FAM217A: variants seen among roughly 807,000 people sequenced by gnomAD.
FAM217A encodes family with sequence similarity 217 member A.
A neutral mutation model predicts 18.5 loss-of-function variants in FAM217A; 13 were observed. That is an observed-to-expected ratio of 0.70 (90% CI 0.46 to 1.12). FAM217A has a LOEUF of 1.12. FAM217A is among the 50% of genes most tolerant of loss of function. FAM217A has a pLI of 0.00. For missense variants in FAM217A, 560 were observed against 575.4 expected, an observed-to-expected ratio of 0.97 and a Z score of 0.27; for synonymous variants, 161 against 202.8, an observed-to-expected ratio of 0.79 and a Z score of 1.75.
At chr6:4,073,601 A>C (rs1769565514) in intron 4 of FAM217A, 94 bp from the exon 5 acceptor site, 15 of 958,292 alleles carry the variant, frequency 1.6e-5, no homozygotes, top group Non-Finnish European at 2.3e-5. Flanking sequence ...CAAGGAATGT[A>C]TGGTAAAACT....
intron 1 of FAM217A, among the ~76,000 whole-genome samples, chr6:4,085,574 T>G (rs1581910684): frequency 6.6e-6 from 1 of 152,090 alleles, no homozygotes; most frequent in Admixed American, 6.6e-5. Flanking sequence ...CTTTACTATT[T>G]ATATAAATGA....
chr6:4,069,343 C>G lies in FAM217A; in HGVS notation c.880G>C (p.Glu294Gln), dbSNP rs776781992. ...TGAATAGTCATATGTTGTAATCGTTCTAGTTCCAGTAAACGAGTTATCAAG... is the reference window on the plus strand; with the variant it reads ...TGAATAGTCATATGTTGTAATCGTTGTAGTTCCAGTAAACGAGTTATCAAG... Reference protein sequence around the residue: ...EHLITRLLELERLQHMTIQKE... With the variant: ...EHLITRLLELQRLQHMTIQKE... Residue 294 changes from glutamate (E) to glutamine (Q), a missense_variant, in exon 7 of 7, where the codon GAA becomes CAA. Physicochemically the swap from Glu to Gln is conservative, Grantham distance 29 (BLOSUM62 2). Coordinates refer to ENST00000274673, the MANE Select transcript of FAM217A (RefSeq NM_173563.3). The G allele has an allele frequency of 6.2e-7, 1 of 1,614,120 alleles. No homozygotes were observed. The highest frequency in any genetic ancestry group is 8.5e-7 in the Non-Finnish European group (1 of 1,180,030).
At chr6:4,086,960 T>C (rs1215894877) in intron 1 of FAM217A, 2 of 398,940 alleles carry the variant, frequency 5.0e-6, no homozygotes, top group African/African-American at 4.1e-5. Context: ...TTTGTTTTCT[T>C]GGTATTAGTT....
At chr6:4,077,587 G>T in intron 1 of FAM217A, 139 bp from the exon 2 acceptor site, 1 of 723,908 alleles carries the variant, frequency 1.4e-6, no homozygotes, top group Non-Finnish European at 2.3e-6. Context: ...AGAGCAGGGT[G>T]GGGGTGACAG....
intron 1 of FAM217A, chr6:4,084,902 T>G: frequency 1.5e-6 from 1 of 647,364 alleles, no homozygotes; most frequent in Non-Finnish European, 2.8e-6. Flanking sequence ...ATGCAGCTGC[T>G]GCGCTGCGGG....
rs1258159328 is a variant in FAM217A, at chr6:4,073,449, C to G, written c.218G>C (p.Ser73Thr). Residue 73 changes from serine to threonine, a missense_variant, in exon 5 of 7, where the codon AGT (serine) becomes ACT (threonine). Physicochemically the swap from Ser to Thr is moderately conservative, Grantham distance 58. Transcript: ENST00000274673. The stretch of plus-strand genomic sequence containing the variant: ...AAATCCCACCTGTGTACTTTTTTGA[C>G]TATGCACCGACAAATTAGGTTCTAG... Reference protein sequence around the residue: ...LMLEPNLSVHSQKSTQNSKQG... With the variant: ...LMLEPNLSVHTQKSTQNSKQG... 1 of 1,613,082 alleles carries G rather than the reference C, an allele frequency of 6.2e-7. No individual in the cohort carries two copies. Among genetic ancestry groups the G allele is most frequent in the South Asian group, 1.1e-5 (1 of 90,860 alleles).
Position 4,078,930 on chromosome 6 carries a change from G to A in FAM217A, c.-113C>T, listed in dbSNP as rs1165546268. On this transcript the variant is annotated 5_prime_UTR_variant, in exon 1 of 7. Coordinates refer to ENST00000274673, the MANE Select transcript of FAM217A (RefSeq NM_173563.3). ...AGGCCCGAGCGCCTCCGCGTGCGTGGCTGACGGCTTGGAGGGCGCCCCCTC... is the reference window on the plus strand; with the variant it reads ...AGGCCCGAGCGCCTCCGCGTGCGTGACTGACGGCTTGGAGGGCGCCCCCTC... 1.7e-6 allele frequency: 1 copy of A among 580,270 alleles called. No homozygotes were observed. The highest frequency in any genetic ancestry group is 1.9e-5 in the South Asian group (1 of 51,632). The allele number at this position is 580,270 out of a possible 1,614,324, so 35.9% of individuals were successfully genotyped here.
rs766283172 is a variant in FAM217A at position 4,077,473 on chromosome 6, A to G, written c.-34-25T>C. The G allele has an allele frequency of 2.6e-6, 4 of 1,531,232 alleles. No individual in the cohort carries two copies. In the Admixed American group the frequency reaches 6.7e-5, roughly 26 times the overall value. The allele number at this position is 1,531,232 out of a possible 1,614,324, so 94.9% of individuals were successfully genotyped here. A position where few individuals can be genotyped will look rare whatever the true frequency, so the allele number is the denominator to read the frequency against. On this transcript the variant is annotated intron_variant, in intron 1 of 6. Coordinates refer to ENST00000274673, the MANE Select transcript of FAM217A (RefSeq NM_173563.3). Reference sequence around the variant, plus strand: ...CCTACACAGATTGCGGGATAGGCACATTTATGGGTAAGGGTCAACATTTAT... The same window carrying G: ...CCTACACAGATTGCGGGATAGGCACGTTTATGGGTAAGGGTCAACATTTAT...
upstream of FAM217A, among the ~76,000 whole-genome samples, chr6:4,082,586 G>C (rs150054088): frequency 1.9e-3 from 291 of 152,330 alleles, no homozygotes; most frequent in African/African-American, 6.6e-3. Context: ...CCCCATTCCA[G>C]AGAGTGGCCC....
chr6:4,079,944 A>T (rs1403442593), upstream of FAM217A, among the ~76,000 whole-genome samples: 1 of 150,224 alleles, frequency 6.7e-6, no homozygotes, highest in African/African-American at 2.5e-5. Context: ...AGCTTCATGA[A>T]ATAAGTGGAG....
chr6:4,074,310 T>C, intron 4 of FAM217A, 133 bp downstream of exon 4: 1 of 641,668 alleles, frequency 1.6e-6, no homozygotes. Context: ...ATATTTGACT[T>C]TGACTTGTGT....
intron 6 of FAM217A, among the ~76,000 whole-genome samples, chr6:4,070,367 T>TA (rs1295857632): frequency 6.6e-6 from 1 of 152,202 alleles, no homozygotes; most frequent in Non-Finnish European, 1.5e-5. Flanking sequence ...TAGGTTACTT[T>TA]AAAAAGCCTT....
intron 1 of FAM217A, among the ~76,000 whole-genome samples, chr6:4,086,060 A>C (rs937669243): frequency 6.6e-6 from 1 of 152,088 alleles, no homozygotes; most frequent in Non-Finnish European, 1.5e-5. Context: ...GGCTACAGTG[A>C]GCTGCACTGC....
chr6:4,068,728 C>T lies in FAM217A; in HGVS notation c.1495G>A (p.Asp499Asn). ...TGTTCAATGGGTGAGCAGCACTTAT[C>T]CTTAGCAATAAGGGAAGGCGACAAA... ...NCLSPSLIAKDKCCSPIEQK is the reference protein window; with the variant it reads ...NCLSPSLIAKNKCCSPIEQK The change falls in exon 7 of 7, where the codon GAT becomes AAT. Residue 499 changes from aspartate to asparagine, a missense_variant. Coordinates refer to ENST00000274673, the MANE Select transcript of FAM217A (RefSeq NM_173563.3). 1 of 1,609,384 alleles carries T rather than the reference C, an allele frequency of 6.2e-7. No homozygotes were observed. Among genetic ancestry groups the T allele is most frequent in the Non-Finnish European group, 8.5e-7 (1 of 1,179,106 alleles).
upstream of FAM217A, among the ~76,000 whole-genome samples, chr6:4,083,380 TA>T (rs1396254221): frequency 6.6e-6 from 1 of 152,232 alleles, no homozygotes; most frequent in African/African-American, 2.4e-5. Context: ...ACTTAGTTTC[TA>T]ATTATTCTGG....
chr6:4,087,179 A>C, upstream of FAM217A: 1 of 515,924 alleles, frequency 1.9e-6, no homozygotes, highest in Non-Finnish European at 3.0e-6. Context: ...ATGGGAAAAT[A>C]CCACTGGATA....
At chr6:4,078,017 T>C (rs1368194468) in intron 1 of FAM217A, among the ~76,000 whole-genome samples, 1 of 150,908 alleles carries the variant, frequency 6.6e-6, no homozygotes, top group Non-Finnish European at 1.5e-5. Flanking sequence ...AAACAGTCAC[T>C]GGATTAAGGT....
intron 1 of FAM217A, among the ~76,000 whole-genome samples, chr6:4,086,054 A>G (rs1444286459): frequency 1.3e-5 from 2 of 151,916 alleles, no homozygotes; most frequent in Non-Finnish European, 2.9e-5. Flanking sequence ...GGTCGAGGCT[A>G]CAGTGAGCTG....
Position 4,069,435 on chromosome 6 carries a change from T to A in FAM217A, c.788A>T (p.Asn263Ile), listed in dbSNP as rs747544474. Residue 263 changes from asparagine (N) to isoleucine (I), a missense_variant, in exon 7 of 7, where the codon AAT becomes ATT. Transcript: ENST00000274673. The stretch of plus-strand genomic sequence containing the variant: ...ATTGTCAGATTTGGAGAGGGCTAAA[T>A]TGTGCAAGTCTAGAGCACTGAAAGG... ...PPPFSALDLHNLALSKSDNWK... is the reference protein window; with the variant it reads ...PPPFSALDLHILALSKSDNWK... 2 of 1,614,174 alleles carry A rather than the reference T, an allele frequency of 1.2e-6. No homozygotes were observed. The highest frequency in any genetic ancestry group is 2.2e-5 in the South Asian group (2 of 91,082).
Sources: gnomAD v4.1 joint callset for allele counts (sites outside exome capture counted in the v4.1 genomes callset) on GRCh38, gnomAD v4.1.1 for gene constraint, MANE v1.5 for transcripts, NCBI Gene and HGNC (gene_info 2026-07-23, HGNC 2026-07-21) for gene names.